The following PRDM1 variants were observed in gnomAD, a reference collection of about 807,000 sequenced individuals.
PRDM1 encodes PR/SET domain 1.
PRDM1 carries 13 observed loss-of-function variants against 62.8 expected under a neutral mutation model. That is an observed-to-expected ratio of 0.21 (90% CI 0.13 to 0.33). The LOEUF is 0.33. Among genes scored for constraint, PRDM1 ranks in the 10% least tolerant of loss-of-function variants. PRDM1 has a pLI of 1.00. For missense variants in PRDM1, 895 were observed against 1,058.8 expected (o/e 0.85, Z 2.15); for synonymous variants, 396 against 417.6 (o/e 0.95, Z 0.63).
At chr6:106,029,217 C>G (rs372606229) in intron 1 of PRDM1, among the ~76,000 whole-genome samples, 206 of 152,272 alleles carry the variant, frequency 1.4e-3, no homozygotes, top group African/African-American at 4.8e-3. Flanking sequence ...CTGCACCCGG[C>G]CTTCCCTATG....
At chr6:106,018,848 C>T (rs1009387294) in intron 1 of PRDM1, among the ~76,000 whole-genome samples, 4 of 151,806 alleles carry the variant, frequency 2.6e-5, no homozygotes, top group African/African-American at 7.3e-5. Flanking sequence ...TTTTTTCCAC[C>T]TTTTCATATG....
chr6:106,000,869 G>A lies in PRDM1; in HGVS notation c.-67+7230G>A, dbSNP rs562747846. Among the ~76,000 whole-genome samples, 265 of 152,248 alleles carry A rather than the reference G, an allele frequency of 1.7e-3. 1 individual carries two copies. The highest frequency in any genetic ancestry group is 6.2e-3 in the African/African-American group (257 of 41,538). ...CTCATACATATCTCCCTGTACACAG[G>A]TATAATTGTCTTTCTAGGATACCAC... is the stretch of plus-strand genomic sequence containing the variant. On this transcript the variant is annotated intron_variant, in intron 1 of 6. Coordinates refer to the PRDM1 transcript ENST00000652320.
chr6:106,060,535 C>T (rs1773330299), intron 1 of PRDM1, among the ~76,000 whole-genome samples: 1 of 151,836 alleles, frequency 6.6e-6, no homozygotes, highest in South Asian at 2.1e-4. Context: ...AGAGGAGGAA[C>T]TATATAATAG....
upstream of PRDM1, among the ~76,000 whole-genome samples, chr6:105,993,412 CT>C (rs1378750403): frequency 6.6e-6 from 1 of 152,218 alleles, no homozygotes; most frequent in Admixed American, 6.5e-5. Context: ...CAACCTGCCC[CT>C]AGGTATGTTT....
chr6:106,029,015 G>A (rs754176153), intron 1 of PRDM1, among the ~76,000 whole-genome samples: 2 of 150,774 alleles, frequency 1.3e-5, no homozygotes, highest in African/African-American at 4.9e-5. Context: ...CCACCTCCTG[G>A]GTTCAAGCGA....
intron 1 of PRDM1, among the ~76,000 whole-genome samples, chr6:106,071,460 CAATGCTGA>C (rs1773519463): frequency 6.6e-6 from 1 of 151,966 alleles, no homozygotes; most frequent in African/African-American, 2.4e-5. Flanking sequence ...AGGAAGATAA[CAATGCTGA>C]TCCACTTCCC....
intron 3 of PRDM1, 27 bp from the exon 4 acceptor site, chr6:106,099,273 T>A (rs371205685): frequency 1.2e-6 from 2 of 1,612,842 alleles, no homozygotes; most frequent in Non-Finnish European, 1.7e-6. Context: ...GACTTCCTTT[T>A]ACATGCCTGT....
At chr6:106,021,704 T>C (rs1262148441) in intron 1 of PRDM1, among the ~76,000 whole-genome samples, 1 of 152,240 alleles carries the variant, frequency 6.6e-6, no homozygotes, top group Non-Finnish European at 1.5e-5. Flanking sequence ...CACCGCAACC[T>C]CTGCCTCCCG....
rs2114617819 is a variant in PRDM1, at chr6:106,088,324, G to A, written c.166G>A (p.Glu56Lys). The A allele has an allele frequency of 6.2e-7, 1 of 1,614,188 alleles. No individual in the cohort carries two copies. Among genetic ancestry groups the A allele is most frequent in the Non-Finnish European group, 8.5e-7 (1 of 1,180,036 alleles). Reference protein sequence around the residue: ...MTLWTEAEFEEKCTYIVNDHP... With the variant: ...MTLWTEAEFEKKCTYIVNDHP... ...TCTGTGGACAGAGGCTGAGTTTGAA[G>A]AGAAGTGTACATACATTGTGAACGA... The change falls in exon 2 of 7, where the codon GAG (glutamate) becomes AAG (lysine). Residue 56 changes from glutamate to lysine, a missense_variant. Around this residue, in one of 4 missense-constraint regions of PRDM1, gnomAD observed 213 missense variants for 283.9 expected, o/e 0.75. Transcript: ENST00000369096.
chr6:106,092,356 G>A (rs899118337), intron 2 of PRDM1, among the ~76,000 whole-genome samples: 23 of 152,142 alleles, frequency 1.5e-4, no homozygotes, highest in Non-Finnish European at 4.4e-5. Context: ...GGTCTGCACC[G>A]CACATAAAGA....
At chr6:106,063,684 C>T (rs1298064635) in intron 1 of PRDM1, among the ~76,000 whole-genome samples, 2 of 152,136 alleles carry the variant, frequency 1.3e-5, no homozygotes, top group Non-Finnish European at 2.9e-5. Context: ...AAGTTCTTGA[C>T]CAAATCATTT....
At chr6:106,085,310 A>G (rs931900128), upstream of PRDM1, among the ~76,000 whole-genome samples, 3 of 152,224 alleles carry the variant, frequency 2.0e-5, no homozygotes, top group African/African-American at 4.8e-5. Flanking sequence ...GCAAGCAGGA[A>G]AAATGGAAGA....
At chr6:106,090,587 T>G (rs939769367) in intron 2 of PRDM1, among the ~76,000 whole-genome samples, 1 of 152,220 alleles carries the variant, frequency 6.6e-6, no homozygotes, top group African/African-American at 2.4e-5. Flanking sequence ...ATGGTGGAGT[T>G]GAGCCATTAA....
At chr6:106,000,128 C>T (rs1772410398) in intron 1 of PRDM1, among the ~76,000 whole-genome samples, 1 of 152,220 alleles carries the variant, frequency 6.6e-6, no homozygotes, top group African/African-American at 2.4e-5. Context: ...GGATTACAGG[C>T]GTGAGCCACC....
intron 1 of PRDM1, among the ~76,000 whole-genome samples, chr6:106,017,391 G>A (rs1772634745): frequency 6.6e-6 from 1 of 152,198 alleles, no homozygotes; most frequent in South Asian, 2.1e-4. Flanking sequence ...GCAGTCAGAA[G>A]GCAATATTAA....
intron 1 of PRDM1, among the ~76,000 whole-genome samples, chr6:106,043,425 G>A (rs774491716): frequency 7.9e-5 from 12 of 152,020 alleles, no homozygotes; most frequent in Non-Finnish European, 1.3e-4. Context: ...AATAATCGTT[G>A]GCTAACTGAA....
At chr6:106,009,026 C>A (rs1319260691) in intron 1 of PRDM1, among the ~76,000 whole-genome samples, 1 of 152,158 alleles carries the variant, frequency 6.6e-6, no homozygotes, top group Non-Finnish European at 1.5e-5. Flanking sequence ...GAACACAGGC[C>A]CCTCACGGCA....
Position 106,107,268 on chromosome 6 carries a change from G to A in PRDM1, c.2260G>A (p.Val754Ile). 16 of 1,614,216 alleles carry A rather than the reference G, an allele frequency of 9.9e-6. No homozygotes were observed. The highest frequency in any genetic ancestry group is 1.4e-5 in the Non-Finnish European group (16 of 1,180,036). ...DVEDDISVIS[V>I]VEKEILAVVR... ...GGAGGATGACATCAGTGTGATCTCT[G>A]TAGTGGAGAAGGAAATTCTGGCCGT... Residue 754 changes from valine to isoleucine, a missense_variant, in exon 7 of 7, where the codon GTA (valine) becomes ATA (isoleucine). This residue lies in a region of PRDM1 where 164 missense variants were observed against 179.9 expected (regional missense o/e 0.91). Transcript: ENST00000369096.
intron 1 of PRDM1, among the ~76,000 whole-genome samples, chr6:106,063,041 C>T: frequency 6.6e-6 from 1 of 152,174 alleles, no homozygotes; most frequent in East Asian, 1.9e-4. Flanking sequence ...AGATTTAGTC[C>T]TTTCGTTGTG....
Sources: gnomAD v4.1 joint callset for allele counts (sites outside exome capture counted in the v4.1 genomes callset) on GRCh38, gnomAD v4.1.1 for gene constraint, gnomAD v4.1.1 regional missense constraint, MANE v1.5 for transcripts, NCBI Gene and HGNC (gene_info 2026-07-23, HGNC 2026-07-21) for gene names.